The following MBOAT2 variants were observed in gnomAD, a reference collection of about 807,000 sequenced individuals.
The protein encoded by MBOAT2 is membrane-bound glycerophospholipid O-acyltransferase 2.
In MBOAT2, 28 loss-of-function variants were observed where a neutral mutation model predicts 63.4. The ratio of observed to expected loss-of-function variants is 0.44; its 90% CI spans 0.33 to 0.61. The LOEUF is 0.61. MBOAT2 is among the 20% of genes least tolerant of loss of function. The pLI, the probability that MBOAT2 is intolerant of heterozygous loss-of-function variation, is 0.03. For missense variants in MBOAT2, 470 were observed against 605.8 expected (o/e 0.78, Z 2.35); for synonymous variants, 211 against 215.6 (o/e 0.98, Z 0.19).
In MBOAT2 at chr2:8,862,241, T is replaced by C. The variant is rs937227739; in HGVS notation, c.1185+349A>G. 23 of 1,239,738 alleles carry C rather than the reference T, an allele frequency of 1.9e-5. No homozygotes were observed. Among genetic ancestry groups the C allele is most frequent in the Non-Finnish European group, 2.2e-5 (21 of 955,914 alleles). 76.8% of individuals were successfully genotyped at this position (1,239,738 alleles called of 1,614,324 possible). ...TGAGAGAGGACTCAAAGGTTACAGC[T>C]TTCAGGAAACATTTCTAAAATAAAC... is the stretch of plus-strand genomic sequence containing the variant. On this transcript the variant is annotated intron_variant, in intron 11 of 12. Coordinates refer to ENST00000305997, the MANE Select transcript of MBOAT2 (RefSeq NM_138799.4). This position sits in a 1 kb window ranked among gnomAD's most constrained non-coding sequence, Gnocchi z 4.3.
chr2:8,958,168 C>T (rs1171982939), intron 2 of MBOAT2, among the ~76,000 whole-genome samples: 1 of 152,164 alleles, frequency 6.6e-6, no homozygotes, highest in Non-Finnish European at 1.5e-5. Flanking sequence ...AACAAAAACA[C>T]ATTTAAATGG....
At chr2:8,947,941 T>C (rs986643125) in intron 2 of MBOAT2, among the ~76,000 whole-genome samples, 7 of 152,200 alleles carry the variant, frequency 4.6e-5, no homozygotes, top group African/African-American at 1.7e-4. Flanking sequence ...ATAGCTGCCA[T>C]AGATAGTGAT....
intron 1 of MBOAT2, among the ~76,000 whole-genome samples, chr2:8,975,118 T>TGCACA (rs571597463): frequency 2.8e-3 from 430 of 152,242 alleles, no homozygotes; most frequent in Non-Finnish European, 4.9e-3. Context: ...AATAACACTC[T>TGCACA]GCACAAAACT....
chr2:8,902,320 A>G (rs536824473), intron 4 of MBOAT2, among the ~76,000 whole-genome samples: 1 of 152,294 alleles, frequency 6.6e-6, no homozygotes, highest in South Asian at 2.1e-4. Flanking sequence ...ACTTGGCGAT[A>G]ATCAGTGGTC....
intron 3 of MBOAT2, among the ~76,000 whole-genome samples, chr2:8,919,725 G>A (rs1032384714): frequency 5.9e-5 from 9 of 151,932 alleles, no homozygotes; most frequent in Admixed American, 5.2e-4. Context: ...TCTGAAATAC[G>A]AGTATTCAAT....
intron 3 of MBOAT2, among the ~76,000 whole-genome samples, chr2:8,936,786 C>CAAAAAAAAAAAAAAAA (rs745694357): frequency 2.3e-4 from 13 of 56,100 alleles, no homozygotes; most frequent in Admixed American, 4.3e-4. Context: ...GACTCCGTCT[C>CAAAAAAAAAAAAAAAA]AAAAAAAAAA....
intron 5 of MBOAT2, among the ~76,000 whole-genome samples, chr2:8,883,508 T>A (rs1663303889): frequency 6.6e-6 from 1 of 152,082 alleles, no homozygotes; most frequent in Admixed American, 6.6e-5. Flanking sequence ...AAAACAAAGA[T>A]GAGAAGAAAA....
chr2:8,881,931 A>C (rs992675397), intron 6 of MBOAT2, among the ~76,000 whole-genome samples: 1 of 152,240 alleles, frequency 6.6e-6, no homozygotes, highest in African/African-American at 2.4e-5. Context: ...ATTCCATCTC[A>C]AATTATATTA....
chr2:8,869,208 A>ATT (rs750568440), intron 8 of MBOAT2, among the ~76,000 whole-genome samples: 22 of 124,952 alleles, frequency 1.8e-4, no homozygotes, highest in East Asian at 4.6e-4. Flanking sequence ...CATCATGCCT[A>ATT]TTTTTTTTTT....
intron 4 of MBOAT2, among the ~76,000 whole-genome samples, chr2:8,891,927 A>AACTGGTGTGTT (rs1292407995): frequency 6.6e-6 from 1 of 152,242 alleles, no homozygotes; most frequent in Non-Finnish European, 1.5e-5. Context: ...GTCCAAAGTA[A>AACTGGTGTGTT]TACTTCAACT....
chr2:8,955,752 A>G (rs1669168372), intron 2 of MBOAT2, among the ~76,000 whole-genome samples: 1 of 152,212 alleles, frequency 6.6e-6, no homozygotes, highest in Non-Finnish European at 1.5e-5. Context: ...CTACAGAGAA[A>G]TCTTTTGTGA....
intron 3 of MBOAT2, among the ~76,000 whole-genome samples, chr2:8,910,188 AAG>A (rs1558603791): frequency 6.6e-6 from 1 of 152,142 alleles, no homozygotes; most frequent in Non-Finnish European, 1.5e-5. Context: ...GAGAAAGAAC[AAG>A]AGAGAAAAGG....
In MBOAT2 at chr2:8,983,030, C is replaced by T. The variant is rs773859273; in HGVS notation, c.75+20510G>A. On this transcript the variant is annotated intron_variant, in intron 1 of 12. Coordinates refer to ENST00000305997, the MANE Select transcript of MBOAT2 (RefSeq NM_138799.4). ...ACAGAATAGCCACAATACAACTATC[C>T]GCAGTCAGAGAGACTCATGCATAGC... Among the ~76,000 whole-genome samples, 7 of 152,034 alleles carry T rather than the reference C, an allele frequency of 4.6e-5. No individual in the cohort carries two copies. The South Asian group carries it at 8.3e-4, about 18-fold the overall frequency.
At chr2:8,989,802 C>T (rs747132594) in intron 1 of MBOAT2, among the ~76,000 whole-genome samples, 5 of 152,172 alleles carry the variant, frequency 3.3e-5, no homozygotes, top group Admixed American at 2.0e-4. Context: ...AGGGAACAAG[C>T]GCTGCACCAG....
rs76032584 is a variant in MBOAT2 at position 8,915,474 on chromosome 2, C to T, written c.300-6758G>A. Reference sequence around the variant, plus strand: ...CTGGTTCTTTAATGACATTGTTGAGCTGCTATATTGGCTCTGGACAATCTA... The same window carrying T: ...CTGGTTCTTTAATGACATTGTTGAGTTGCTATATTGGCTCTGGACAATCTA... On this transcript the variant is annotated intron_variant, in intron 3 of 12. Coordinates refer to ENST00000305997, the MANE Select transcript of MBOAT2 (RefSeq NM_138799.4). Among the ~76,000 whole-genome samples, 416 of 152,194 alleles carry T rather than the reference C, an allele frequency of 2.7e-3. 1 individual carries two copies. Among genetic ancestry groups the T allele is most frequent in the African/African-American group, 9.7e-3 (403 of 41,510 alleles).
chr2:8,866,945 C>G (rs770873330), intron 9 of MBOAT2, among the ~76,000 whole-genome samples: 6 of 152,228 alleles, frequency 3.9e-5, no homozygotes, highest in Non-Finnish European at 8.8e-5. Context: ...CCACTTTTAG[C>G]AATATTAGGG....
At chr2:8,941,856 C>T in intron 3 of MBOAT2, among the ~76,000 whole-genome samples, 1 of 152,168 alleles carries the variant, frequency 6.6e-6, no homozygotes, top group Non-Finnish European at 1.5e-5. Context: ...CATGAATTTA[C>T]TAACCTTCCA....
intron 6 of MBOAT2, among the ~76,000 whole-genome samples, chr2:8,877,569 C>A (rs147112480): frequency 2.4e-4 from 36 of 152,342 alleles, no homozygotes; most frequent in African/African-American, 8.4e-4. Context: ...TGCTGCAGGG[C>A]CTGGATACGG....
intron 3 of MBOAT2, among the ~76,000 whole-genome samples, chr2:8,909,447 A>C (rs1665552988): frequency 1.3e-5 from 2 of 152,238 alleles, no homozygotes; most frequent in Admixed American, 6.5e-5. Context: ...TATGTGGATT[A>C]ATGAATTATA....
Sources: allele counts gnomAD v4.1 joint callset (sites outside exome capture counted in the v4.1 genomes callset), GRCh38; gene constraint gnomAD v4.1.1; non-coding constraint Gnocchi (gnomAD v3.1); transcripts MANE v1.5; gene names NCBI Gene and HGNC (gene_info 2026-07-23, HGNC 2026-07-21).